Variants in SLC38A9 observed in about 807,000 individuals in gnomAD.
The protein encoded by SLC38A9 is neutral amino acid transporter 9.
A neutral mutation model predicts 62.3 loss-of-function variants in SLC38A9; 48 were observed. That is an observed-to-expected ratio of 0.77 (90% confidence interval 0.61 to 0.98). SLC38A9 has a LOEUF of 0.98. Among genes scored for constraint, SLC38A9 ranks in the 50% least tolerant of loss-of-function variants. SLC38A9 has a pLI of 0.00. For missense variants in SLC38A9, 541 were observed against 679.8 expected, an observed-to-expected ratio of 0.80 and a Z score of 2.27; for synonymous variants, 204 against 227.7, an observed-to-expected ratio of 0.90 and a Z score of 0.94.
chr5:55,671,505 CT>C (rs1315953374), intron 4 of SLC38A9, among the ~76,000 whole-genome samples: 196 of 142,894 alleles, frequency 1.4e-3, no homozygotes, highest in African/African-American at 2.0e-3. Flanking sequence ...TCCCATTCTT[CT>C]TTTTTTTTTT....
At chr5:55,630,607 C>T (rs958801145) in intron 14 of SLC38A9, among the ~76,000 whole-genome samples, 2 of 152,154 alleles carry the variant, frequency 1.3e-5, no homozygotes, top group Non-Finnish European at 2.9e-5. Context: ...TGAGCCACCA[C>T]GAACGGCTAA....
At chr5:55,646,167 G>T (rs1205232536) in intron 11 of SLC38A9, among the ~76,000 whole-genome samples, 1 of 152,206 alleles carries the variant, frequency 6.6e-6, no homozygotes, top group African/African-American at 2.4e-5. Flanking sequence ...CCTGAGGTAA[G>T]GAGTTTGAGA....
intron 12 of SLC38A9, among the ~76,000 whole-genome samples, chr5:55,640,676 A>G (rs534080950): frequency 6.6e-6 from 1 of 152,228 alleles, no homozygotes; most frequent in Non-Finnish European, 1.5e-5. Context: ...GCAGGGTAGT[A>G]TGAGATTATA....
rs141823093 is a variant in SLC38A9, at chr5:55,680,787, A to T, written c.114-8092T>A. 4.6e-5 allele frequency among the ~76,000 whole-genome samples: 7 copies of T among 152,356 alleles called. No individual in the cohort carries two copies. In the East Asian group the frequency reaches 1.3e-3, roughly 29 times the overall value. On this transcript the variant is annotated intron_variant, in intron 3 of 15. Coordinates refer to ENST00000396865, the MANE Select transcript of SLC38A9 (RefSeq NM_173514.4). ...TTACCACTGGAAAGACACTGTCAAC[A>T]AATGGTTTACACAAACTGGTCATTC...
At chr5:55,689,097 T>G (rs993998919) in intron 3 of SLC38A9, among the ~76,000 whole-genome samples, 16 of 152,176 alleles carry the variant, frequency 1.1e-4, no homozygotes, top group South Asian at 2.1e-4. Flanking sequence ...AAAAATAACC[T>G]TAGTTGAAGT....
rs959436286 is a variant in SLC38A9, at chr5:55,692,573, T to C, written c.113+5273A>G. ...ACTGCTAAGTCTCTATATTTGCCTTTCTTAAAACATGCTTACCTAGGTAGT... is the reference window on the plus strand; with the variant it reads ...ACTGCTAAGTCTCTATATTTGCCTTCCTTAAAACATGCTTACCTAGGTAGT... On this transcript the variant is annotated intron_variant, in intron 3 of 15. Transcript: ENST00000396865. 1.8e-5 allele frequency: 17 copies of C among 966,196 alleles called. No homozygotes were observed. In the African/African-American group the frequency reaches 3.0e-4, roughly 17 times the overall value. 59.9% of individuals were successfully genotyped at this position (966,196 alleles called of 1,614,324 possible). A position where few individuals can be genotyped will look rare whatever the true frequency, so the allele number is the denominator to read the frequency against.
chr5:55,673,053 G>T (rs142669140), intron 3 of SLC38A9, among the ~76,000 whole-genome samples: 2 of 152,172 alleles, frequency 1.3e-5, no homozygotes, highest in East Asian at 3.9e-4. Flanking sequence ...TCTCAAAAAA[G>T]CTTTTGGCAC....
chr5:55,711,391 A>G (rs1157275734), intron 2 of SLC38A9, 61 bp downstream of exon 2: 1 of 152,222 alleles, frequency 6.6e-6, no homozygotes, highest in Non-Finnish European at 1.5e-5. Flanking sequence ...GGCAATGGAT[A>G]AGACACTGCC....
At chr5:55,650,465 T>C (rs948200791) in intron 10 of SLC38A9, among the ~76,000 whole-genome samples, 2 of 152,214 alleles carry the variant, frequency 1.3e-5, no homozygotes, top group African/African-American at 4.8e-5. Context: ...AGTCTGGTGA[T>C]TGTTGTGCCC....
chr5:55,633,062 C>T (rs190150156), intron 14 of SLC38A9, among the ~76,000 whole-genome samples: 127 of 151,790 alleles, frequency 8.4e-4, no homozygotes, highest in African/African-American at 3.0e-3. Context: ...AGAGCAGTGG[C>T]GTGATCTCAG....
intron 14 of SLC38A9, among the ~76,000 whole-genome samples, chr5:55,632,480 A>AT (rs1743657175): frequency 1.3e-5 from 2 of 152,136 alleles, no homozygotes; most frequent in African/African-American, 4.8e-5. Flanking sequence ...AACTGCATAA[A>AT]TGTTAATGAA....
At chr5:55,693,445 A>C (rs1312129864) in intron 3 of SLC38A9, 1 of 152,172 alleles carries the variant, frequency 6.6e-6, no homozygotes, top group Admixed American at 6.6e-5. Context: ...AGAAATTTTG[A>C]TTGCTTTTAA....
intron 3 of SLC38A9, among the ~76,000 whole-genome samples, chr5:55,690,744 G>A (rs1310402091): frequency 9.0e-6 from 1 of 111,008 alleles, no homozygotes; most frequent in Non-Finnish European, 2.0e-5. Flanking sequence ...CTTTGCCTTA[G>A]TAAATATCAT....
chr5:55,665,884 G>C (rs924706613), intron 7 of SLC38A9, among the ~76,000 whole-genome samples: 4 of 152,140 alleles, frequency 2.6e-5, no homozygotes, highest in Non-Finnish European at 5.9e-5. Context: ...GATCCCTTGA[G>C]ACCAGGAGGT....
intron 12 of SLC38A9, among the ~76,000 whole-genome samples, chr5:55,643,956 TTTTA>T (rs202086177): frequency 7.1e-4 from 108 of 152,130 alleles, no homozygotes; most frequent in Admixed American, 3.4e-3. Flanking sequence ...TGAAAATCTC[TTTTA>T]TTTATTTATT....
chr5:55,688,833 T>C lies in SLC38A9; in HGVS notation c.113+9013A>G, dbSNP rs376232172. 7.2e-5 allele frequency among the ~76,000 whole-genome samples: 11 copies of C among 152,320 alleles called. No homozygotes were observed. In the East Asian group the frequency reaches 9.6e-4, roughly 13 times the overall value. On this transcript the variant is annotated intron_variant, in intron 3 of 15. Coordinates refer to ENST00000396865, the MANE Select transcript of SLC38A9 (RefSeq NM_173514.4). ...AGAGAAAGAAATGAAAATAACATAA[T>C]GAAATTGTATTTTAACATGTAAATT... is the stretch of plus-strand genomic sequence containing the variant.
At chr5:55,678,140 T>TTTTTC (rs1329412467) in intron 3 of SLC38A9, among the ~76,000 whole-genome samples, 10 of 143,676 alleles carry the variant, frequency 7.0e-5, no homozygotes, top group Non-Finnish European at 1.5e-5. Context: ...GGTTACTGGT[T>TTTTTC]TTTTTTTCTT....
chr5:55,680,225 A>AGAGG (rs1752800157), intron 3 of SLC38A9, among the ~76,000 whole-genome samples: 1 of 133,572 alleles, frequency 7.5e-6, no homozygotes, highest in Non-Finnish European at 1.7e-5. Context: ...CTATATATAT[A>AGAGG]TAGAGAGAGA....
intron 3 of SLC38A9, among the ~76,000 whole-genome samples, chr5:55,687,692 T>C (rs1754114870): frequency 1.3e-5 from 2 of 152,006 alleles, no homozygotes. Context: ...TATTTTTTTA[T>C]TATGTATTTA....
Sources: gnomAD v4.1 joint callset for allele counts (sites outside exome capture counted in the v4.1 genomes callset) on GRCh38, gnomAD v4.1.1 for gene constraint, MANE v1.5 for transcripts, NCBI Gene and HGNC (gene_info 2026-07-23, HGNC 2026-07-21) for gene names.